Variants in VWA8 observed in about 807,000 individuals in gnomAD.
The protein encoded by VWA8 is von Willebrand factor A domain-containing protein 8.
VWA8 carries 221 observed loss-of-function variants against 241.5 expected under a neutral mutation model. That is an observed-to-expected ratio of 0.91 (90% confidence interval 0.82 to 1.02). The LOEUF (loss-of-function observed/expected upper bound fraction) is 1.02, where lower values mean the gene tolerates loss of function less well. VWA8 is among the 50% of genes least tolerant of loss of function. VWA8 has a pLI of 0.00. For missense variants in VWA8, 2,322 were observed against 2,328.7 expected (o/e 1.00, Z 0.06); for synonymous variants, 852 against 827.1 (o/e 1.03, Z -0.52).
rs928761324 is a variant in VWA8, at chr13:41,721,181, CA to C, written c.2964+188del. 7.9e-5 allele frequency among the ~76,000 whole-genome samples: 12 copies of C among 152,242 alleles called. No individual in the cohort carries two copies. The South Asian group carries it at 1.5e-3, about 18-fold the overall frequency. On this transcript the variant is annotated intron_variant, in intron 25 of 44. Transcript: ENST00000379310. The stretch of plus-strand genomic sequence containing the variant: ...ATTACAGACTTTGCCAAAGTTAATT[CA>C]AAAGCTGAACAGATAATAATGTTCA...
intron 8 of VWA8, among the ~76,000 whole-genome samples, chr13:41,883,704 T>C (rs1874376937): frequency 6.6e-6 from 1 of 152,210 alleles, no homozygotes; most frequent in African/African-American, 2.4e-5. Flanking sequence ...ATCTTTCATT[T>C]ATCTTCTATG....
chr13:41,693,328 T>C (rs929069188), intron 29 of VWA8, among the ~76,000 whole-genome samples: 1 of 152,062 alleles, frequency 6.6e-6, no homozygotes, highest in African/African-American at 2.4e-5. Context: ...ATAAGGAAAT[T>C]ACAAGGATTG....
intron 22 of VWA8, 88 bp from the exon 23 acceptor site, chr13:41,729,765 G>T: frequency 7.5e-7 from 1 of 1,330,330 alleles, no homozygotes; most frequent in Non-Finnish European, 1.0e-6. Flanking sequence ...ACTTATAACA[G>T]CTGGCTTTAT....
At chr13:41,907,463 T>C (rs1207386119) in intron 4 of VWA8, 123 bp downstream of exon 4, 2 of 749,860 alleles carry the variant, frequency 2.7e-6, no homozygotes, top group Non-Finnish European at 4.4e-6. Context: ...ATTAAATCTG[T>C]CTAGAGAGAG....
intron 6 of VWA8, 36 bp from the exon 7 acceptor site, chr13:41,886,866 A>C (rs771473874): frequency 1.7e-5 from 25 of 1,439,480 alleles, no homozygotes; most frequent in African/African-American, 5.7e-5. Flanking sequence ...ATTAATTAAC[A>C]AGAAATGTAA....
At chr13:41,721,260 T>G in intron 25 of VWA8, 110 bp downstream of exon 25, 2 of 1,077,932 alleles carry the variant, frequency 1.9e-6, no homozygotes, top group Non-Finnish European at 1.3e-6. Context: ...TCATGTAATC[T>G]GACTCATTAT....
intron 26 of VWA8, among the ~76,000 whole-genome samples, chr13:41,707,913 T>A (rs1250638214): frequency 6.6e-6 from 1 of 152,138 alleles, no homozygotes; most frequent in Non-Finnish European, 1.5e-5. Flanking sequence ...TCCTTACACT[T>A]CTGGGTTTCC....
rs1321197441 is a variant in VWA8 at position 41,818,206 on chromosome 13, G to A, written c.1869+1012C>T. Among the ~76,000 whole-genome samples, 3 of 150,992 alleles carry A rather than the reference G, an allele frequency of 2.0e-5. No homozygotes were observed. In the East Asian group the frequency reaches 6.0e-4, roughly 30 times the overall value. On this transcript the variant is annotated intron_variant, in intron 15 of 44. Coordinates refer to ENST00000379310, the MANE Select transcript of VWA8 (RefSeq NM_015058.2). ...TCGAACTCCTGACCTCAGGTGATCT[G>A]CCCGCCTTGGCCTCCCAAAGTGCTG...
chr13:41,592,944 G>A (rs183830864), intron 40 of VWA8, among the ~76,000 whole-genome samples: 1 of 152,314 alleles, frequency 6.6e-6, no homozygotes, highest in Admixed American at 6.5e-5. Flanking sequence ...AGCCTGGTGA[G>A]CCGTGTTAGC....
At chr13:41,622,815 T>C (rs926862169) in intron 37 of VWA8, among the ~76,000 whole-genome samples, 3 of 152,306 alleles carry the variant, frequency 2.0e-5, no homozygotes, top group African/African-American at 7.2e-5. Flanking sequence ...AAGCCATCAA[T>C]AAAATGATAT....
At position 41,685,084 on chromosome 13, in the gene VWA8, G is replaced by T. The variant is rs540457943; in HGVS notation, c.4290C>A (p.Pro1430=). The T allele has an allele frequency of 7.4e-6, 12 of 1,613,362 alleles. No homozygotes were observed. In the South Asian group the frequency reaches 1.2e-4, roughly 16 times the overall value. ...TATCTTTTAGAGGGACTTCTCCTGGGGGTAAAATCCTCACTACCTGATTCG... is the reference window on the plus strand; with the variant it reads ...TATCTTTTAGAGGGACTTCTCCTGGTGGTAAAATCCTCACTACCTGATTCG... ...LDTNQVVRIL[P]PGEVPLKDIY... The change falls in exon 35 of 45, where the codon CCC becomes CCA. Residue 1430 remains proline, a synonymous_variant. Coordinates refer to ENST00000379310, the MANE Select transcript of VWA8 (RefSeq NM_015058.2).
chr13:41,721,849 G>A (rs1483889262), intron 24 of VWA8, among the ~76,000 whole-genome samples: 2 of 151,964 alleles, frequency 1.3e-5, no homozygotes, highest in East Asian at 1.9e-4. Context: ...AATACAAAGA[G>A]GAAAAAAAAT....
At chr13:41,868,286 G>A (rs1873404372) in intron 10 of VWA8, 60 bp downstream of exon 10, 1 of 1,594,596 alleles carries the variant, frequency 6.3e-7, no homozygotes, top group Admixed American at 1.7e-5. Context: ...ACCCAATTTA[G>A]GTCATAAAAA....
intron 10 of VWA8, among the ~76,000 whole-genome samples, chr13:41,867,854 T>C (rs9594641): frequency 0.016 from 2,393 of 152,252 alleles, 63 homozygotes; most frequent in African/African-American, 0.055. Context: ...ATAAAATGTG[T>C]GTATATATAC....
chr13:41,670,880 G>T, intron 37 of VWA8, 66 bp downstream of exon 37: 1 of 1,567,354 alleles, frequency 6.4e-7, no homozygotes. Context: ...TCATGACTGT[G>T]GCATCTGGAA....
At chr13:41,857,548 T>C (rs1029534208) in intron 12 of VWA8, among the ~76,000 whole-genome samples, 4 of 152,208 alleles carry the variant, frequency 2.6e-5, no homozygotes, top group Non-Finnish European at 5.9e-5. Context: ...CTATACAATG[T>C]ATAATATTTA....
At chr13:41,865,640 A>C (rs1386315387) in intron 12 of VWA8, 96 bp downstream of exon 12, 10 of 1,367,444 alleles carry the variant, frequency 7.3e-6, no homozygotes, top group Non-Finnish European at 1.0e-5. Flanking sequence ...CTATATAAAA[A>C]AACACAGGTC....
intron 16 of VWA8, among the ~76,000 whole-genome samples, chr13:41,816,230 G>A (rs959007972): frequency 6.6e-6 from 1 of 152,042 alleles, no homozygotes; most frequent in East Asian, 1.9e-4. Context: ...TACTGTTCCC[G>A]TTCCCATTTT....
intron 26 of VWA8, among the ~76,000 whole-genome samples, chr13:41,704,832 T>C (rs994748091): frequency 5.9e-5 from 9 of 152,158 alleles, no homozygotes; most frequent in African/African-American, 2.2e-4. Context: ...ATTTAATGCA[T>C]TAGAAAATTA....
Sources: allele counts gnomAD v4.1 joint callset (sites outside exome capture counted in the v4.1 genomes callset), GRCh38; gene constraint gnomAD v4.1.1; transcripts MANE v1.5; gene names NCBI Gene and HGNC (gene_info 2026-07-23, HGNC 2026-07-21).